CDC42SE2: variants seen among roughly 807,000 people sequenced by gnomAD.
The protein encoded by CDC42SE2 is CDC42 small effector protein 2.
CDC42SE2 carries 3 observed loss-of-function variants against 11.5 expected under a neutral mutation model. The ratio of observed to expected loss-of-function variants is 0.26; its 90% CI spans 0.12 to 0.67. CDC42SE2 has a LOEUF of 0.67. Among genes scored for constraint, CDC42SE2 ranks in the 30% least tolerant of loss-of-function variants. CDC42SE2 has a pLI of 0.80. For missense variants in CDC42SE2, 82 were observed against 106.8 expected (o/e 0.77, Z 1.02); for synonymous variants, 33 against 34.8 (o/e 0.95, Z 0.18).
chr5:131,301,372 G>A (rs1757674730), intron 1 of CDC42SE2, among the ~76,000 whole-genome samples: 1 of 152,074 alleles, frequency 6.6e-6, no homozygotes, highest in Non-Finnish European at 1.5e-5. Context: ...TGTTTGAAAT[G>A]GTGGGTATGC....
intron 3 of CDC42SE2, among the ~76,000 whole-genome samples, chr5:131,376,216 G>A (rs1180081017): frequency 2.5e-5 from 3 of 120,246 alleles, no homozygotes; most frequent in Non-Finnish European, 4.7e-5. Context: ...TCCAACCTGG[G>A]TGACGAATGA....
chr5:131,279,527 C>T (rs901859892), intron 1 of CDC42SE2, among the ~76,000 whole-genome samples: 19 of 130,430 alleles, frequency 1.5e-4, no homozygotes, highest in African/African-American at 5.5e-4. Flanking sequence ...TCTGCTTTTA[C>T]TTATTACCCT....
intron 1 of CDC42SE2, among the ~76,000 whole-genome samples, chr5:131,252,499 C>T (rs964423925): frequency 6.6e-5 from 10 of 151,674 alleles, no homozygotes; most frequent in African/African-American, 1.9e-4. Flanking sequence ...ACTAAAAATA[C>T]AAAAAAAATT....
chr5:131,320,322 G>A (rs1341664970), intron 2 of CDC42SE2, among the ~76,000 whole-genome samples: 5 of 151,728 alleles, frequency 3.3e-5, no homozygotes, highest in Non-Finnish European at 5.9e-5. Context: ...AATCTGGGAG[G>A]TGGAGGTTGC....
chr5:131,361,497 G>A (rs752708530), intron 3 of CDC42SE2, among the ~76,000 whole-genome samples: 86 of 152,284 alleles, frequency 5.6e-4, no homozygotes, highest in Non-Finnish European at 3.7e-4. Flanking sequence ...CTGACCCCAC[G>A]ACAATGTCTA....
chr5:131,385,703 T>C, intron 4 of CDC42SE2, 59 bp downstream of exon 4: 1 of 1,008,778 alleles, frequency 9.9e-7, no homozygotes, highest in Non-Finnish European at 1.5e-6. Context: ...ATGAAACCTG[T>C]GTGACAGGCA....
chr5:131,368,332 T>C (rs1374268694), intron 3 of CDC42SE2, among the ~76,000 whole-genome samples: 1 of 151,822 alleles, frequency 6.6e-6, no homozygotes, highest in African/African-American at 2.4e-5. Context: ...CCTACATGCA[T>C]GAGTCAGACT....
At chr5:131,383,343 T>C (rs1450596619) in intron 3 of CDC42SE2, among the ~76,000 whole-genome samples, 1 of 152,198 alleles carries the variant, frequency 6.6e-6, no homozygotes, top group Non-Finnish European at 1.5e-5. Context: ...ATGATACCAT[T>C]TTAACCTGCA....
intron 3 of CDC42SE2, among the ~76,000 whole-genome samples, chr5:131,375,586 C>G (rs1750128962): frequency 6.6e-6 from 1 of 152,088 alleles, no homozygotes; most frequent in Non-Finnish European, 1.5e-5. Context: ...TGCTGGCATT[C>G]CAGTGAGTGA....
At chr5:131,272,383 C>T (rs1385370019) in intron 1 of CDC42SE2, among the ~76,000 whole-genome samples, 1 of 152,112 alleles carries the variant, frequency 6.6e-6, no homozygotes, top group East Asian at 1.9e-4. Context: ...TTTAATACCT[C>T]TCGTCAAACC....
chr5:131,310,758 A>C, intron 1 of CDC42SE2, among the ~76,000 whole-genome samples: 1 of 151,888 alleles, frequency 6.6e-6, no homozygotes, highest in Non-Finnish European at 1.5e-5. Context: ...AGAGACTAGG[A>C]TTGCAACCCC....
At chr5:131,376,236 C>CAAA (rs1380741289) in intron 3 of CDC42SE2, among the ~76,000 whole-genome samples, 4 of 135,652 alleles carry the variant, frequency 2.9e-5, no homozygotes, top group African/African-American at 1.1e-4. Flanking sequence ...ACTCTTGTCT[C>CAAA]AAAAAAAAAA....
intron 2 of CDC42SE2, among the ~76,000 whole-genome samples, chr5:131,337,961 G>A (rs1490925035): frequency 3.3e-5 from 5 of 152,202 alleles, no homozygotes; most frequent in South Asian, 2.1e-4. Context: ...CGCACAGTGC[G>A]CTGCACCCAC....
chr5:131,335,675 AG>A (rs1382145258), intron 2 of CDC42SE2, among the ~76,000 whole-genome samples: 1 of 152,220 alleles, frequency 6.6e-6, no homozygotes, highest in African/African-American at 2.4e-5. Flanking sequence ...ACATGTATTT[AG>A]GATAGTTAGC....
At chr5:131,307,894 G>C (rs1293040152) in intron 1 of CDC42SE2, among the ~76,000 whole-genome samples, 2 of 152,076 alleles carry the variant, frequency 1.3e-5, no homozygotes, top group African/African-American at 2.4e-5. Flanking sequence ...CATATCCTTC[G>C]CCCACTTTTT....
chr5:131,304,356 CAGGT>C (rs1008802297), intron 1 of CDC42SE2, among the ~76,000 whole-genome samples: 1 of 151,974 alleles, frequency 6.6e-6, no homozygotes, highest in Non-Finnish European at 1.5e-5. Flanking sequence ...GTATAAATGA[CAGGT>C]AGATAGGGAT....
At chr5:131,254,848 T>C (rs1458967095) in intron 1 of CDC42SE2, among the ~76,000 whole-genome samples, 2 of 152,250 alleles carry the variant, frequency 1.3e-5, no homozygotes, top group Non-Finnish European at 2.9e-5. Context: ...AACCTAGTTA[T>C]CATGGTTGCC....
intron 1 of CDC42SE2, among the ~76,000 whole-genome samples, chr5:131,267,765 T>A (rs1454239786): frequency 1.3e-5 from 2 of 152,160 alleles, no homozygotes; most frequent in Non-Finnish European, 2.9e-5. Context: ...TGTTTTAAAG[T>A]CCCAGTTGTC....
intron 2 of CDC42SE2, among the ~76,000 whole-genome samples, chr5:131,329,879 C>CAAACAAAACAAAAAAAAAAAAAA (rs1758380577): frequency 1.8e-5 from 1 of 56,618 alleles, no homozygotes; most frequent in Admixed American, 2.2e-4. Context: ...AACTCCATCT[C>CAAACAAAACAAAAAAAAAAAAAA]AAAAAAAAAA....
Sources: gnomAD v4.1 joint callset for allele counts (sites outside exome capture counted in the v4.1 genomes callset) on GRCh38, gnomAD v4.1.1 for gene constraint, MANE v1.5 for transcripts, NCBI Gene and HGNC (gene_info 2026-07-23, HGNC 2026-07-21) for gene names.